Variants in DLEU7 observed in about 807,000 individuals in gnomAD.
DLEU7 encodes leukemia-associated protein 7.
In DLEU7, 17 loss-of-function variants were observed where a neutral mutation model predicts 16.0. That is an observed-to-expected ratio of 1.06 (90% CI 0.73 to 1.59). The LOEUF (loss-of-function observed/expected upper bound fraction) is 1.59, where lower values mean the gene tolerates loss of function less well. DLEU7 is among the 40% of genes most tolerant of loss of function. The probability of loss-of-function intolerance (pLI) is 0.00; values close to 1 mark genes in which losing one functional copy is unlikely to be tolerated. For missense variants in DLEU7, 308 were observed against 314.9 expected (o/e 0.98, Z 0.17); for synonymous variants, 113 against 139.8 (o/e 0.81, Z 1.35).
At chr13:50,765,624 G>T (rs1875080322) in intron 1 of DLEU7, among the ~76,000 whole-genome samples, 2 of 151,988 alleles carry the variant, frequency 1.3e-5, no homozygotes, top group South Asian at 4.2e-4. Flanking sequence ...AAAGGAAGAA[G>T]ACCAGGAGAA....
chr13:50,837,659 T>C (rs975723660), intron 1 of DLEU7, among the ~76,000 whole-genome samples: 1 of 152,232 alleles, frequency 6.6e-6, no homozygotes, highest in African/African-American at 2.4e-5. Flanking sequence ...TTAGTAATCT[T>C]TGAAGACACA....
chr13:50,806,551 C>T (rs1053154674), intron 1 of DLEU7, among the ~76,000 whole-genome samples: 1 of 152,020 alleles, frequency 6.6e-6, no homozygotes, highest in African/African-American at 2.4e-5. Context: ...TAAATTCTGA[C>T]TCATATTAGA....
chr13:50,749,896 A>G (rs559482243), intron 1 of DLEU7, among the ~76,000 whole-genome samples: 83 of 152,198 alleles, frequency 5.5e-4, no homozygotes, highest in African/African-American at 2.0e-3. Flanking sequence ...TTGTCTGTTT[A>G]CTCTGACTGT....
At chr13:50,782,555 C>A (rs1409802902) in intron 1 of DLEU7, among the ~76,000 whole-genome samples, 3 of 152,274 alleles carry the variant, frequency 2.0e-5, no homozygotes, top group African/African-American at 7.2e-5. Flanking sequence ...ATCCTTTCTG[C>A]CTTCCCTTGC....
At chr13:50,812,423 G>GA (rs1241364200) in intron 1 of DLEU7, among the ~76,000 whole-genome samples, 1 of 152,262 alleles carries the variant, frequency 6.6e-6, no homozygotes, top group Admixed American at 6.5e-5. Context: ...TAGTGCTACA[G>GA]AAATCCCACT....
chr13:50,721,013 A>G (rs1418360344), intron 1 of DLEU7, among the ~76,000 whole-genome samples: 1 of 152,218 alleles, frequency 6.6e-6, no homozygotes, highest in Non-Finnish European at 1.5e-5. Context: ...AAAGGAGATT[A>G]ACATCTGAGT....
At chr13:50,740,801 T>A (rs1593536290) in intron 1 of DLEU7, among the ~76,000 whole-genome samples, 1 of 152,282 alleles carries the variant, frequency 6.6e-6, no homozygotes, top group East Asian at 1.9e-4. Flanking sequence ...TAGTATTACT[T>A]TGATCTTATG....
intron 1 of DLEU7, among the ~76,000 whole-genome samples, chr13:50,741,506 A>C (rs905012900): frequency 2.0e-5 from 3 of 152,176 alleles, no homozygotes; most frequent in Non-Finnish European, 4.4e-5. Context: ...TTATACAAAA[A>C]TAAATTTCAG....
intron 1 of DLEU7, among the ~76,000 whole-genome samples, chr13:50,793,818 G>T (rs889630185): frequency 2.0e-5 from 3 of 152,170 alleles, no homozygotes; most frequent in Non-Finnish European, 4.4e-5. Flanking sequence ...TTACTTCTTT[G>T]ATAGTTTCTC....
intron 1 of DLEU7, among the ~76,000 whole-genome samples, chr13:50,737,756 A>T (rs1406829889): frequency 6.6e-6 from 1 of 152,106 alleles, no homozygotes; most frequent in East Asian, 1.9e-4. Flanking sequence ...CAGTAAAGCC[A>T]ATTAGTAACC....
At chr13:50,777,095 C>A (rs1197951605) in intron 1 of DLEU7, among the ~76,000 whole-genome samples, 1 of 152,196 alleles carries the variant, frequency 6.6e-6, no homozygotes, top group African/African-American at 2.4e-5. Flanking sequence ...CCCATGGCCA[C>A]TACAGCACCC....
At chr13:50,795,948 T>C (rs896989737) in intron 1 of DLEU7, among the ~76,000 whole-genome samples, 1 of 152,198 alleles carries the variant, frequency 6.6e-6, no homozygotes, top group Admixed American at 6.5e-5. Context: ...GTAGACACTT[T>C]TGGCCTAAAA....
At chr13:50,841,079 C>T (rs1877642348) in intron 1 of DLEU7, among the ~76,000 whole-genome samples, 1 of 152,142 alleles carries the variant, frequency 6.6e-6, no homozygotes, top group Admixed American at 6.5e-5. Context: ...AGTCCATTGC[C>T]ACTGAGTTGG....
intron 1 of DLEU7, among the ~76,000 whole-genome samples, chr13:50,827,984 C>T (rs138262005): frequency 3.3e-5 from 5 of 151,086 alleles, no homozygotes; most frequent in African/African-American, 1.2e-4. Context: ...AAAATAAAAC[C>T]AAAAAAAATC....
intron 1 of DLEU7, among the ~76,000 whole-genome samples, chr13:50,752,310 C>G (rs1874593525): frequency 6.6e-6 from 1 of 152,146 alleles, no homozygotes; most frequent in African/African-American, 2.4e-5. Flanking sequence ...CTCGGCCTCC[C>G]AAAGTGCTGG....
At chr13:50,766,807 A>AC (rs1875127752) in intron 1 of DLEU7, among the ~76,000 whole-genome samples, 1 of 107,934 alleles carries the variant, frequency 9.3e-6, no homozygotes, top group Non-Finnish European at 1.9e-5. Flanking sequence ...CCCACCCCCC[A>AC]CGCCCCACCC....
At chr13:50,749,656 T>C (rs925494571) in intron 1 of DLEU7, among the ~76,000 whole-genome samples, 3 of 152,150 alleles carry the variant, frequency 2.0e-5, no homozygotes, top group African/African-American at 7.2e-5. Flanking sequence ...TGGTATCACA[T>C]TGTGGTTTTG....
intron 1 of DLEU7, among the ~76,000 whole-genome samples, chr13:50,757,801 G>A (rs891916479): frequency 6.6e-5 from 10 of 152,150 alleles, no homozygotes; most frequent in African/African-American, 2.2e-4. Flanking sequence ...TGTGATGTTA[G>A]CAAAAGTGCA....
chr13:50,744,938 A>G (rs931603904), intron 1 of DLEU7, among the ~76,000 whole-genome samples: 116 of 152,316 alleles, frequency 7.6e-4, no homozygotes, highest in African/African-American at 2.5e-3. Context: ...GAGTATGTGG[A>G]GAAGTTGGGA....
Sources: allele counts gnomAD v4.1 joint callset (sites outside exome capture counted in the v4.1 genomes callset), GRCh38; gene constraint gnomAD v4.1.1; transcripts MANE v1.5; gene names NCBI Gene and HGNC (gene_info 2026-07-23, HGNC 2026-07-21).